Variants in RESP18 observed in about 807,000 individuals in gnomAD.
The protein encoded by RESP18 is regulated endocrine specific protein 18, also known as regulated endocrine-specific protein 18.
A neutral mutation model predicts 30.0 loss-of-function variants in RESP18; 30 were observed. The ratio of observed to expected loss-of-function variants is 1.00; its 90% CI spans 0.75 to 1.36. The LOEUF (loss-of-function observed/expected upper bound fraction) is 1.36. Among genes scored for constraint, RESP18 ranks in the 40% most tolerant of loss-of-function variants. The pLI, the probability that RESP18 is intolerant of heterozygous loss-of-function variation, is 0.00. For synonymous variants in RESP18, 117 were observed against 111.2 expected (o/e 1.05, Z -0.33); for missense variants, 320 against 284.2 (o/e 1.13, Z -0.91).
In RESP18 at chr2:219,327,414, G is replaced by C; in HGVS notation, c.*103C>G. 1 of 1,078,202 alleles carries C rather than the reference G, an allele frequency of 9.3e-7. No individual in the cohort carries two copies. The highest frequency in any genetic ancestry group is 1.4e-5 in the South Asian group (1 of 73,866). The allele number at this position is 1,078,202 out of a possible 1,614,324, so 66.8% of individuals were successfully genotyped here. A position where few individuals can be genotyped will look rare whatever the true frequency, so the allele number is the denominator to read the frequency against. ...CTCAAGACAAACTCAGTGTTTGCAT[G>C]AGAGTCTACTTTAATGATTCAAATC... On this transcript the variant is annotated 3_prime_UTR_variant, in exon 7 of 7. Transcript: ENST00000333527.
chr2:219,328,897 A>G (rs1192129658), intron 6 of RESP18, 27 bp downstream of exon 5: 2 of 1,450,436 alleles, frequency 1.4e-6, no homozygotes, highest in African/African-American at 2.8e-5. Flanking sequence ...CTGCTGTTTC[A>G]ATGCCTATTT....
At chr2:219,332,860 CT>C in intron 1 of RESP18, 116 bp from the exon 1 acceptor site, 1 of 850,156 alleles carries the variant, frequency 1.2e-6, no homozygotes, top group Non-Finnish European at 1.8e-6. Context: ...GACCCGGCTC[CT>C]TTCGGGCATT....
intron 2 of RESP18, among the ~76,000 whole-genome samples, chr2:219,331,717 G>A (rs1952833029): frequency 6.6e-6 from 1 of 152,170 alleles, no homozygotes; most frequent in Non-Finnish European, 1.5e-5. Context: ...ACCCGCTCGG[G>A]CTCGGCGTGG....
intron 3 of RESP18, 74 bp from the exon 3 acceptor site, chr2:219,329,838 T>A: frequency 2.8e-6 from 4 of 1,411,740 alleles, no homozygotes; most frequent in Non-Finnish European, 3.9e-6. Flanking sequence ...AGAGTAACCT[T>A]TCTCTCAAGT....
At chr2:219,330,530 GTTTTGTT>G (rs1015632024) in intron 3 of RESP18, among the ~76,000 whole-genome samples, 2 of 136,648 alleles carry the variant, frequency 1.5e-5, no homozygotes, top group African/African-American at 6.8e-5. Flanking sequence ...GCCGTTTTCA[GTTTTGTT>G]TTTTTTTTTC....
At position 219,327,585 on chromosome 2, in the gene RESP18, G is replaced by A. The variant is rs1160660800; in HGVS notation, c.641-22C>T. 27 of 1,550,038 alleles carry A rather than the reference G, an allele frequency of 1.7e-5. No individual in the cohort carries two copies. The East Asian group carries it at 4.6e-4, about 27-fold the overall frequency. ...AGCCCTAAAACAAGAAGAAACAAGG[G>A]AGCTAGAGTCAGGATGTGAGACAGT... is the stretch of plus-strand genomic sequence containing the variant. On this transcript the variant is annotated intron_variant, in intron 6 of 6. Transcript: ENST00000333527.
Position 219,333,162 on chromosome 2 carries a change from C to T in RESP18, c.16G>A (p.Glu6Lys). 6.5e-7 allele frequency: 1 copy of T among 1,539,740 alleles called. No homozygotes were observed. ...ATATGGCACATCCATCCACTTTACT[C>T]CACATCCACTGCCATCGCCTTGGTC... Residue 6 changes from glutamate (E) to lysine (K), a missense_variant and splice_region_variant, in exon 1 of 7, where the codon GAA becomes AAA. Glu to Lys is a moderately conservative substitution (Grantham distance 56). Transcript: ENST00000333527.
chr2:219,331,795 G>C (rs371345072), intron 2 of RESP18, among the ~76,000 whole-genome samples: 15 of 152,318 alleles, frequency 9.8e-5, no homozygotes, highest in Middle Eastern at 3.4e-3. Context: ...GGCGGCGCTG[G>C]GCGGAATGTG....
intron 2 of RESP18, 176 bp from the exon 2 acceptor site, chr2:219,331,051 T>C (rs1429257808): frequency 1.8e-6 from 1 of 567,038 alleles, no homozygotes; most frequent in Non-Finnish European, 3.2e-6. Flanking sequence ...CATCACCACT[T>C]GCCATATTCT....
Position 219,327,554 on chromosome 2 carries a change from C to T in RESP18, c.650G>A (p.Trp217Ter). 1 of 1,551,590 alleles carries T rather than the reference C, an allele frequency of 6.4e-7. No individual in the cohort carries two copies. The highest frequency in any genetic ancestry group is 8.7e-7 in the Non-Finnish European group (1 of 1,146,946). Reference sequence around the variant, plus strand: ...TTGCGGCCCACAGTAGGAAGTGGCCCAGAGAAGCCCTAAAACAAGAAGAAA... The same window carrying T: ...TTGCGGCCCACAGTAGGAAGTGGCCTAGAGAAGCCCTAAAACAAGAAGAAA... The change falls in exon 7 of 7, where the codon TGG becomes TAG. Residue 217 changes from tryptophan to a stop codon, truncating the protein, a stop_gained. Transcript: ENST00000333527. LOFTEE classifies it high-confidence loss of function.
intron 1 of RESP18, chr2:219,333,078 A>G: frequency 1.7e-6 from 2 of 1,196,126 alleles, no homozygotes; most frequent in Non-Finnish European, 2.2e-6. Context: ...AACCCTTTAG[A>G]AATCATATAG....
rs1369800219 is a variant in RESP18 at position 219,328,945 on chromosome 2, C to A, written c.619G>T (p.Glu207Ter). 3.9e-6 allele frequency: 6 copies of A among 1,550,672 alleles called. No homozygotes were observed. Among genetic ancestry groups the A allele is most frequent in the African/African-American group, 2.7e-5 (2 of 73,138 alleles). ...TTACGCATGATCTTATAGATAATTT[C>A]TTCCTTAGAGGGTCCCGGCGCCTGC... Residue 207 changes from glutamate to a stop codon, truncating the protein, a stop_gained, in exon 6 of 7, where the codon GAA becomes TAA. Transcript: ENST00000333527. LOFTEE classifies it low-confidence loss of function (END_TRUNC).
rs772593670 is a variant in RESP18, at chr2:219,329,186, G to A, written c.532C>T (p.Gln178Ter). ...ACCTTGACAGGGTTGGCCACCTCTT[G>A]TTTCAGGGCCTTAGAAACCACTTCG... The change falls in exon 5 of 7, where the codon CAA becomes TAA. Residue 178 changes from glutamine to a stop codon, truncating the protein, a stop_gained. Transcript: ENST00000333527. LOFTEE classifies it high-confidence loss of function. 1.3e-6 allele frequency: 2 copies of A among 1,551,546 alleles called. No homozygotes were observed. The highest frequency in any genetic ancestry group is 2.7e-5 in the African/African-American group (2 of 73,042).
At chr2:219,331,999 G>T (rs567103488) in intron 2 of RESP18, among the ~76,000 whole-genome samples, 3 of 152,230 alleles carry the variant, frequency 2.0e-5, no homozygotes, top group Non-Finnish European at 4.4e-5. Flanking sequence ...TCTCGAGTGT[G>T]CGCAGTCTGG....
chr2:219,328,414 C>T (rs1008472513), intron 6 of RESP18, among the ~76,000 whole-genome samples: 8 of 150,910 alleles, frequency 5.3e-5, no homozygotes, highest in Admixed American at 1.3e-4. Flanking sequence ...CCTCTGGTTG[C>T]CACCTTATAA....
Position 219,329,251 on chromosome 2 carries a change from C to G in RESP18, c.467G>C (p.Ser156Thr), listed in dbSNP as rs765956740. 3 of 1,551,522 alleles carry G rather than the reference C, an allele frequency of 1.9e-6. No homozygotes were observed. Among genetic ancestry groups the G allele is most frequent in the African/African-American group, 2.7e-5 (2 of 73,020 alleles). The stretch of plus-strand genomic sequence containing the variant: ...ATCCCTGTTCACCTTGGCCAGGGGG[C>G]TCTGTGAGGAGGGAAACCAGGAGTC... The change falls in exon 5 of 7, where the codon AGC becomes ACC. Residue 156 changes from serine to threonine, a missense_variant and splice_region_variant. By Grantham distance (58) the Ser-to-Thr change is moderately conservative. Coordinates refer to ENST00000333527, the MANE Select transcript of RESP18 (RefSeq NM_001007089.4).
intron 3 of RESP18, 96 bp from the exon 3 acceptor site, chr2:219,329,860 T>G (rs1952812860): frequency 8.2e-7 from 1 of 1,223,446 alleles, no homozygotes; most frequent in Admixed American, 2.5e-5. Flanking sequence ...TATATTAGAT[T>G]ACATTTTACA....
At chr2:219,331,150 G>T (rs968529273) in intron 2 of RESP18, 8 of 331,506 alleles carry the variant, frequency 2.4e-5, no homozygotes, top group Non-Finnish European at 3.9e-5. Context: ...GATGCGCAGA[G>T]GCTCAGAAAG....
chr2:219,332,351 C>A (rs1259345245), intron 2 of RESP18, among the ~76,000 whole-genome samples, 173 bp downstream of exon 1: 1 of 152,224 alleles, frequency 6.6e-6, no homozygotes, highest in Non-Finnish European at 1.5e-5. Flanking sequence ...TATGCCCAGC[C>A]TATCTGAAGC....
Sources: allele counts gnomAD v4.1 joint callset (sites outside exome capture counted in the v4.1 genomes callset), GRCh38; gene constraint gnomAD v4.1.1; transcripts MANE v1.5; gene names NCBI Gene and HGNC (gene_info 2026-07-23, HGNC 2026-07-21).